SRGAP2B: variants seen among roughly 807,000 people sequenced by gnomAD.
SRGAP2B encodes the protein SLIT-ROBO Rho GTPase activating protein 2B.
SRGAP2B carries 9 observed loss-of-function variants against 22.2 expected under a neutral mutation model. That is an observed-to-expected ratio of 0.41 (90% CI 0.24 to 0.71). The LOEUF is 0.71. SRGAP2B is among the 30% of genes least tolerant of loss of function. The pLI is 0.35. For synonymous variants in SRGAP2B, 36 were observed against 87.4 expected, an observed-to-expected ratio of 0.41 and a Z score of 3.28; for missense variants, 114 against 235.8, an observed-to-expected ratio of 0.48 and a Z score of 3.38.
chr1:145,061,650 T>C (rs1650925437), intron 2 of SRGAP2B, among the ~76,000 whole-genome samples: 1 of 149,534 alleles, frequency 6.7e-6, no homozygotes, highest in Non-Finnish European at 1.5e-5. Context: ...TGTAGTGGTG[T>C]GATCTCGGCT....
intron 4 of SRGAP2B, among the ~76,000 whole-genome samples, chr1:144,951,003 C>T (rs1212117082): frequency 1.3e-5 from 2 of 149,318 alleles, no homozygotes; most frequent in African/African-American, 5.1e-5. Flanking sequence ...CACTGGCCAT[C>T]TTGCCTGGCT....
intron 3 of SRGAP2B, among the ~76,000 whole-genome samples, chr1:144,964,467 C>G (rs1334307771): frequency 6.6e-6 from 1 of 150,616 alleles, no homozygotes; most frequent in Non-Finnish European, 1.5e-5. Flanking sequence ...CTTGTGTACT[C>G]TAAATTACAG....
intron 4 of SRGAP2B, among the ~76,000 whole-genome samples, chr1:144,940,610 C>A (rs1407946820): frequency 1.1e-4 from 16 of 140,564 alleles, no homozygotes; most frequent in Admixed American, 9.1e-4. Flanking sequence ...ACCAGTCTGG[C>A]CAACATGGTG....
intron 3 of SRGAP2B, among the ~76,000 whole-genome samples, chr1:144,965,640 G>A (rs1166720053): frequency 3.1e-5 from 4 of 127,384 alleles, no homozygotes; most frequent in South Asian, 2.5e-4. Flanking sequence ...GCTGGATGGA[G>A]AATGATTTTG....
rs587674611 is a variant in SRGAP2B at position 144,957,147 on chromosome 1, C to A, written c.261-1546G>T. Among the ~76,000 whole-genome samples, 3 of 150,664 alleles carry A rather than the reference C, an allele frequency of 2.0e-5. 1 individual carries two copies. Among genetic ancestry groups the A allele is most frequent in the African/African-American group, 7.5e-5 (3 of 40,216 alleles). On this transcript the variant is annotated intron_variant, in intron 3 of 9. Coordinates refer to ENST00000612199, the Ensembl canonical transcript of SRGAP2B. ...AATAATAACTATCTGTTTCTTTCCC[C>A]CTTTCCTCTCTTCTCCGCTCCAGTC...
intron 3 of SRGAP2B, among the ~76,000 whole-genome samples, chr1:144,975,510 CA>C (rs1668833711): frequency 6.8e-6 from 1 of 146,198 alleles, no homozygotes. Flanking sequence ...TGTTGTAAAG[CA>C]AGCTTCTTCC....
chr1:145,062,947 C>T (rs1281228817), intron 2 of SRGAP2B, among the ~76,000 whole-genome samples: 1 of 148,260 alleles, frequency 6.7e-6, no homozygotes, highest in East Asian at 2.0e-4. Context: ...ATTCTATAAG[C>T]ACCATTTAAC....
chr1:144,991,610 A>G (rs1484104595), intron 3 of SRGAP2B, among the ~76,000 whole-genome samples: 1 of 149,236 alleles, frequency 6.7e-6, no homozygotes, highest in East Asian at 2.0e-4. Flanking sequence ...TAAATACACC[A>G]ATCAGCACTC....
In SRGAP2B at chr1:144,950,872, G is replaced by A. The variant is rs587775005; in HGVS notation, c.423+4567C>T. On this transcript the variant is annotated intron_variant, in intron 4 of 9. Transcript: ENST00000612199. The stretch of plus-strand genomic sequence containing the variant: ...TCTCTCTCTTCTTTTTTTCTGAGAC[G>A]AAGTCTTGCTCTGTTGCCTAGACTG... Among the ~76,000 whole-genome samples, 6 of 150,524 alleles carry A rather than the reference G, an allele frequency of 4.0e-5. 1 individual carries two copies. Among genetic ancestry groups the A allele is most frequent in the South Asian group, 2.1e-4 (1 of 4,808 alleles).
chr1:145,012,044 A>T (rs781937033), intron 2 of SRGAP2B, among the ~76,000 whole-genome samples: 9 of 150,554 alleles, frequency 6.0e-5, no homozygotes, highest in Non-Finnish European at 1.0e-4. Flanking sequence ...TAGCTCTCTC[A>T]CTTCATTGAG....
At chr1:144,920,658 T>TA (rs1333749691) in intron 4 of SRGAP2B, among the ~76,000 whole-genome samples, 1 of 149,314 alleles carries the variant, frequency 6.7e-6, no homozygotes, top group Non-Finnish European at 1.5e-5. Context: ...CTCAGCCTCT[T>TA]AGAGTAGCTG....
chr1:144,944,650 G>A (rs1666344498), intron 4 of SRGAP2B, among the ~76,000 whole-genome samples: 1 of 144,634 alleles, frequency 6.9e-6, no homozygotes, highest in East Asian at 2.0e-4. Flanking sequence ...GGCATTTATA[G>A]CATCTTAGGT....
At chr1:144,966,115 C>G (rs146065214) in intron 3 of SRGAP2B, among the ~76,000 whole-genome samples, 1 of 146,826 alleles carries the variant, frequency 6.8e-6, no homozygotes, top group Non-Finnish European at 1.5e-5. Context: ...GGCAGGCCAA[C>G]GTTCAGATTC....
At chr1:144,991,072 GC>G (rs1173991658) in intron 3 of SRGAP2B, among the ~76,000 whole-genome samples, 1 of 150,920 alleles carries the variant, frequency 6.6e-6, no homozygotes, top group Non-Finnish European at 1.5e-5. Flanking sequence ...TCCACCTGCA[GC>G]CCCGGTGCGG....
chr1:144,911,377 C>G (rs1399054327), intron 5 of SRGAP2B, among the ~76,000 whole-genome samples: 2 of 149,896 alleles, frequency 1.3e-5, no homozygotes, highest in African/African-American at 5.0e-5. Context: ...CTTCCCAAAG[C>G]TAGCATGTAA....
Position 145,021,705 on chromosome 1 carries a change from TC to T in SRGAP2B, c.68-26506del, listed in dbSNP as rs768094643. Among the ~76,000 whole-genome samples, 790 of 148,458 alleles carry T rather than the reference TC, an allele frequency of 5.3e-3. 15 individuals are homozygous for T. Among genetic ancestry groups the T allele is most frequent in the Non-Finnish European group, 6.6e-3 (450 of 67,738 alleles). On this transcript the variant is annotated intron_variant, in intron 2 of 9. Transcript: ENST00000612199. ...GGCACATGCCTGTAATCCCAGCTAC[TC>T]AGGAGGCTGACGCAGGAGAATCTCT...
intron 3 of SRGAP2B, among the ~76,000 whole-genome samples, chr1:144,975,139 TCTC>T (rs1469716865): frequency 6.7e-6 from 1 of 149,530 alleles, no homozygotes; most frequent in Non-Finnish European, 1.5e-5. Context: ...GTCTCTCACT[TCTC>T]CTGAATCTGC....
chr1:144,942,749 G>A (rs1243829411), intron 4 of SRGAP2B, among the ~76,000 whole-genome samples: 1 of 151,964 alleles, frequency 6.6e-6, no homozygotes, highest in Non-Finnish European at 1.5e-5. Flanking sequence ...TCAAGTAAGA[G>A]AGGTACAGAG....
intron 4 of SRGAP2B, among the ~76,000 whole-genome samples, chr1:144,932,566 T>C (rs1367750670): frequency 6.7e-6 from 1 of 148,346 alleles, no homozygotes; most frequent in Admixed American, 6.7e-5. Flanking sequence ...GGACTAGCTC[T>C]GTGGTATGTT....
Sources: gnomAD v4.1 joint callset for allele counts (sites outside exome capture counted in the v4.1 genomes callset) on GRCh38, gnomAD v4.1.1 for gene constraint, MANE v1.5 for transcripts, NCBI Gene and HGNC (gene_info 2026-07-23, HGNC 2026-07-21) for gene names.